PIGL: variants seen among roughly 807,000 people sequenced by gnomAD.
PIGL encodes the protein phosphatidylinositol glycan anchor biosynthesis class L.
In PIGL, 22 loss-of-function variants were observed where a neutral mutation model predicts 31.1. The observed-to-expected ratio is 0.71, with a 90% CI of 0.51 to 1.01. The LOEUF (loss-of-function observed/expected upper bound fraction) is 1.01. Among genes scored for constraint, PIGL ranks in the 50% least tolerant of loss-of-function variants. PIGL has a pLI of 0.00. For synonymous variants in PIGL, 131 were observed against 117.4 expected, an observed-to-expected ratio of 1.12 and a Z score of -0.75; for missense variants, 302 against 315.9, an observed-to-expected ratio of 0.96 and a Z score of 0.33.
chr17:16,287,888 C>T (rs1179396783), intron 2 of PIGL, among the ~76,000 whole-genome samples: 1 of 152,210 alleles, frequency 6.6e-6, no homozygotes, highest in African/African-American at 2.4e-5. Flanking sequence ...AAAGTGATAT[C>T]TCTCTGCCTG....
intron 2 of PIGL, among the ~76,000 whole-genome samples, chr17:16,258,129 G>A (rs2092804096): frequency 8.3e-6 from 1 of 120,170 alleles, no homozygotes; most frequent in Non-Finnish European, 1.9e-5. Context: ...GAGAGAAAGA[G>A]AGAGAGAGAA....
chr17:16,253,858 A>G (rs2092782567), intron 2 of PIGL, among the ~76,000 whole-genome samples: 1 of 152,086 alleles, frequency 6.6e-6, no homozygotes, highest in Non-Finnish European at 1.5e-5. Flanking sequence ...CAGGAGGATC[A>G]TTTGAGCCCA....
At position 16,326,096 on chromosome 17, in the gene PIGL, A is replaced by T; in HGVS notation, c.*198A>T. The T allele has an allele frequency of 1.8e-6, 1 of 567,888 alleles. No homozygotes were observed. The highest frequency in any genetic ancestry group is 2.3e-5 in the South Asian group (1 of 42,856). The allele number at this position is 567,888 out of a possible 1,614,324, so 35.2% of individuals were successfully genotyped here. A position where few individuals can be genotyped will look rare whatever the true frequency, so the allele number is the denominator to read the frequency against. Reference sequence around the variant, plus strand: ...CCCTGGGAAAAAACCCAAAGAACCAAAAACAAACCACCCCAAGGATAATAA... The same window carrying T: ...CCCTGGGAAAAAACCCAAAGAACCATAAACAAACCACCCCAAGGATAATAA... On this transcript the variant is annotated 3_prime_UTR_variant, in exon 7 of 7. Transcript: ENST00000225609.
chr17:16,325,299 C>T (rs1042685510), intron 6 of PIGL, among the ~76,000 whole-genome samples: 32 of 133,140 alleles, frequency 2.4e-4, no homozygotes, highest in African/African-American at 9.0e-4. Flanking sequence ...GAGCCAAGAT[C>T]GCGCCACTGC....
At chr17:16,270,133 C>T (rs1053628045) in intron 2 of PIGL, among the ~76,000 whole-genome samples, 1 of 151,728 alleles carries the variant, frequency 6.6e-6, no homozygotes, top group African/African-American at 2.4e-5. Context: ...ACTAAAAATA[C>T]AAAAAATTAG....
chr17:16,317,803 G>A lies in PIGL; in HGVS notation c.555G>A (p.Val185=). 6.2e-7 allele frequency: 1 copy of A among 1,614,102 alleles called. No homozygotes were observed. The highest frequency in any genetic ancestry group is 8.5e-7 in the Non-Finnish European group (1 of 1,180,036). ...KGCSVLTLQS[V]NVLRKYISLL... The stretch of plus-strand genomic sequence containing the variant: ...GCTCTGTGCTCACGCTTCAGTCTGT[G>A]AATGTGCTGCGCAAGTACATCTCCC... The change falls in exon 6 of 7, where the codon GTG becomes GTA. Residue 185 remains valine, a synonymous_variant. Coordinates refer to ENST00000225609, the MANE Select transcript of PIGL (RefSeq NM_004278.4).
chr17:16,240,667 C>G (rs1383148784), intron 2 of PIGL, among the ~76,000 whole-genome samples: 2 of 145,284 alleles, frequency 1.4e-5, no homozygotes, highest in Non-Finnish European at 3.0e-5. Flanking sequence ...TGCCAGCTAC[C>G]TTTTTTTTTT....
At chr17:16,267,470 G>A (rs1169927321) in intron 2 of PIGL, among the ~76,000 whole-genome samples, 1 of 152,068 alleles carries the variant, frequency 6.6e-6, no homozygotes, top group Non-Finnish European at 1.5e-5. Flanking sequence ...GTGGACCCAC[G>A]CAGTTCAAAC....
At chr17:16,260,823 A>G (rs938428309) in intron 2 of PIGL, among the ~76,000 whole-genome samples, 12 of 152,272 alleles carry the variant, frequency 7.9e-5, no homozygotes, top group Admixed American at 2.6e-4. Flanking sequence ...ATAGCGGCTA[A>G]AAGAGCTGTA....
chr17:16,251,875 G>C (rs1410647848), intron 2 of PIGL, among the ~76,000 whole-genome samples: 3 of 152,036 alleles, frequency 2.0e-5, no homozygotes, highest in Admixed American at 1.3e-4. Context: ...GTCAGGCCTA[G>C]AGAGGAGATT....
chr17:16,315,535 T>C (rs116129354), intron 4 of PIGL, among the ~76,000 whole-genome samples: 2,428 of 152,086 alleles, frequency 0.016, 59 homozygotes, highest in African/African-American at 0.055. Context: ...CAGCTTCTCC[T>C]GTGGCTTTAA....
chr17:16,290,827 T>A (rs1478855768), intron 2 of PIGL, among the ~76,000 whole-genome samples: 1 of 152,042 alleles, frequency 6.6e-6, no homozygotes, highest in Non-Finnish European at 1.5e-5. Flanking sequence ...ACCACACACA[T>A]GCCACCACTC....
chr17:16,318,550 C>T (rs1375244143), intron 6 of PIGL, among the ~76,000 whole-genome samples: 1 of 151,956 alleles, frequency 6.6e-6, no homozygotes, highest in African/African-American at 2.4e-5. Context: ...GGATTACAGA[C>T]ATGATCCACT....
At chr17:16,234,828 T>C (rs977910536) in intron 2 of PIGL, among the ~76,000 whole-genome samples, 1 of 152,230 alleles carries the variant, frequency 6.6e-6, no homozygotes, top group Non-Finnish European at 1.5e-5. Context: ...AAATAAATTT[T>C]TTAACTTCTG....
At position 16,317,888 on chromosome 17, in the gene PIGL, AAAG is replaced by A. The variant is rs760132372; in HGVS notation, c.644_646del (p.Glu215del). 1 of 1,613,582 alleles carries A rather than the reference AAAG, an allele frequency of 6.2e-7. No homozygotes were observed. Among genetic ancestry groups the A allele is most frequent in the Non-Finnish European group, 8.5e-7 (1 of 1,180,016 alleles). On this transcript the variant is annotated inframe_deletion, in exon 6 of 7. Transcript: ENST00000225609. ...GGATGTCCTCTTCGTGCTCAACAGC[AAAG>A]AAGTGGCACAGGCCAAGGTGAGGAT...
At chr17:16,280,464 T>C (rs1050053011) in intron 2 of PIGL, among the ~76,000 whole-genome samples, 2 of 152,248 alleles carry the variant, frequency 1.3e-5, no homozygotes, top group African/African-American at 4.8e-5. Context: ...TGGGTCATTT[T>C]TTGCATAACT....
At chr17:16,316,270 G>T (rs921902350) in intron 4 of PIGL, among the ~76,000 whole-genome samples, 1 of 152,196 alleles carries the variant, frequency 6.6e-6, no homozygotes, top group African/African-American at 2.4e-5. Context: ...GAAGGTAGGC[G>T]TAGGGAAGCT....
intron 2 of PIGL, among the ~76,000 whole-genome samples, chr17:16,273,041 G>T (rs2142773800): frequency 6.6e-6 from 1 of 152,276 alleles, no homozygotes; most frequent in East Asian, 1.9e-4. Flanking sequence ...AAATGTGTTT[G>T]TTTATTCATT....
intron 2 of PIGL, among the ~76,000 whole-genome samples, chr17:16,250,285 A>G (rs564830699): frequency 6.6e-6 from 1 of 152,264 alleles, no homozygotes; most frequent in Non-Finnish European, 1.5e-5. Context: ...TACTGTGTCT[A>G]ATTTATAAAT....
Sources: gnomAD v4.1 joint callset for allele counts (sites outside exome capture counted in the v4.1 genomes callset) on GRCh38, gnomAD v4.1.1 for gene constraint, MANE v1.5 for transcripts, NCBI Gene and HGNC (gene_info 2026-07-23, HGNC 2026-07-21) for gene names.